Variants in CCNI2 observed in about 807,000 individuals in gnomAD.
CCNI2 encodes cyclin I family member 2, also known as cyclin-I2.
In CCNI2, 32 loss-of-function variants were observed where a neutral mutation model predicts 33.2. The ratio of observed to expected loss-of-function variants is 0.96; its 90% CI spans 0.73 to 1.30. CCNI2 has a LOEUF of 1.30. Ranked by LOEUF, CCNI2 falls within the 50% of genes most tolerant of loss-of-function variation. The pLI is 0.00. For synonymous variants in CCNI2, 231 were observed against 219.9 expected (o/e 1.05, Z -0.45); for missense variants, 452 against 486.2 (o/e 0.93, Z 0.66).
In CCNI2 at chr5:132,747,587, A is replaced by G. The variant is rs771022573; in HGVS notation, c.92A>G (p.Glu31Gly). 3.0e-5 allele frequency: 45 copies of G among 1,497,284 alleles called. No individual in the cohort carries two copies. In the South Asian group the frequency reaches 4.9e-4, roughly 16 times the overall value. The allele number at this position is 1,497,284 out of a possible 1,614,324, so 92.7% of individuals were successfully genotyped here. A position where few individuals can be genotyped will look rare whatever the true frequency, so the allele number is the denominator to read the frequency against. Reference sequence around the variant, plus strand: ...GGCGGGCGTCCCGGCGCCGGTCTGGAGGAAACAGCCCTGGGCGTTCCTCTC... The same window carrying G: ...GGCGGGCGTCCCGGCGCCGGTCTGGGGGAAACAGCCCTGGGCGTTCCTCTC... ...SPGGRPGAGL[E>G]ETALGVPLPP... Residue 31 changes from glutamate (E) to glycine (G), a missense_variant, in exon 1 of 6, where the codon GAG becomes GGG. Transcript: ENST00000378731. This position sits in a 1 kb window ranked among gnomAD's most constrained non-coding sequence, Gnocchi z 4.1.
downstream of CCNI2, among the ~76,000 whole-genome samples, chr5:132,754,948 G>C (rs1188486019): frequency 2.0e-5 from 3 of 152,312 alleles, no homozygotes; most frequent in Middle Eastern, 3.4e-3. Flanking sequence ...GAACAGGGCA[G>C]GGGGAGCATC....
rs1581129767 is a variant in CCNI2 at position 132,754,014 on chromosome 5, T to C, written c.*1044T>C. Reference sequence around the variant, plus strand: ...TGTGTAAATGTGCTAAGCCATGGGGTGGGAGGGGAAAGATTTACTAGGTGC... The same window carrying C: ...TGTGTAAATGTGCTAAGCCATGGGGCGGGAGGGGAAAGATTTACTAGGTGC... On this transcript the variant is annotated 3_prime_UTR_variant, in exon 6 of 6. Transcript: ENST00000378731. 8.6e-6 allele frequency: 1 copy of C among 116,930 alleles called. No homozygotes were observed. The highest frequency in any genetic ancestry group is 1.6e-5 in the Non-Finnish European group (1 of 61,406). 7.2% of individuals were successfully genotyped at this position (116,930 alleles called of 1,614,324 possible).
intron 3 of CCNI2, among the ~76,000 whole-genome samples, chr5:132,750,306 C>G (rs571059570): frequency 1.3e-5 from 2 of 152,240 alleles, no homozygotes; most frequent in South Asian, 2.1e-4. Context: ...CATAGACAAG[C>G]CTCATTAGTC....
Position 132,753,102 on chromosome 5 carries a change from G to A in CCNI2, c.*132G>A. Reference sequence around the variant, plus strand: ...GCTCTGGAAGAGCAACTGAGAAAAAGTTCCCAACTGAGCCCTTGGAAAAAA... The same window carrying A: ...GCTCTGGAAGAGCAACTGAGAAAAAATTCCCAACTGAGCCCTTGGAAAAAA... On this transcript the variant is annotated 3_prime_UTR_variant, in exon 6 of 6. Transcript: ENST00000378731. The A allele has an allele frequency of 2.8e-6, 2 of 713,220 alleles. No individual in the cohort carries two copies. The highest frequency in any genetic ancestry group is 5.3e-5 in the Admixed American group (2 of 38,008). The allele number at this position is 713,220 out of a possible 1,614,324, so 44.2% of individuals were successfully genotyped here.
chr5:132,752,835 G>T, intron 5 of CCNI2, 31 bp from the exon 6 acceptor site: 1 of 1,568,958 alleles, frequency 6.4e-7, no homozygotes, highest in Admixed American at 1.7e-5. Flanking sequence ...TGATGGTTCT[G>T]CTTGAAGATG....
At chr5:132,754,683 A>G (rs1265292339), downstream of CCNI2, among the ~76,000 whole-genome samples, 3 of 152,210 alleles carry the variant, frequency 2.0e-5, no homozygotes, top group Non-Finnish European at 4.4e-5. Context: ...GTGCTTTTCA[A>G]GCTTGCCGTG....
At position 132,749,285 on chromosome 5, in the gene CCNI2, G is replaced by A. The variant is rs969541947; in HGVS notation, c.559-63G>A. ...AAGTGTATAAAAGAAAACAAACACA[G>A]ATGCTTTTCAGTTTGTTTCTGGCAT... is the stretch of plus-strand genomic sequence containing the variant. On this transcript the variant is annotated intron_variant, in intron 2 of 5. Transcript: ENST00000378731. The A allele has an allele frequency of 7.6e-6, 10 of 1,320,922 alleles. No individual in the cohort carries two copies. The African/African-American group carries it at 1.3e-4, about 17-fold the overall frequency. 81.8% of individuals were successfully genotyped at this position (1,320,922 alleles called of 1,614,324 possible).
chr5:132,748,582 T>C, intron 2 of CCNI2, 107 bp downstream of exon 2: 1 of 1,384,046 alleles, frequency 7.2e-7, no homozygotes, highest in Non-Finnish European at 9.9e-7. Flanking sequence ...AAAACCAAGG[T>C]GTATAAACTA....
rs774731516 is a variant in CCNI2, at chr5:132,749,336, T to G, written c.559-12T>G. The stretch of plus-strand genomic sequence containing the variant: ...TCATATTCTGCTCAAATGTGTTTGT[T>G]CCATACTGCAGGTAAAAGAGAAATA... On this transcript the variant is annotated splice_polypyrimidine_tract_variant and intron_variant, in intron 2 of 5. Coordinates refer to ENST00000378731, the MANE Select transcript of CCNI2 (RefSeq NM_001039780.4). The G allele has an allele frequency of 3.7e-6, 6 of 1,608,384 alleles. No homozygotes were observed. The highest frequency in any genetic ancestry group is 5.1e-6 in the Non-Finnish European group (6 of 1,174,716).
At position 132,754,235 on chromosome 5, in the gene CCNI2, A is replaced by G; in HGVS notation, c.*1265A>G. 3.5e-6 allele frequency: 2 copies of G among 572,532 alleles called. No individual in the cohort carries two copies. The highest frequency in any genetic ancestry group is 1.9e-5 in the African/African-American group (1 of 53,280). 35.5% of individuals were successfully genotyped at this position (572,532 alleles called of 1,614,324 possible). ...GAGAGTCAGATACATTTGGAACACT[A>G]TCTCCTAGGTCATATCAAGAACTCT... On this transcript the variant is annotated 3_prime_UTR_variant, in exon 6 of 6. Coordinates refer to ENST00000378731, the MANE Select transcript of CCNI2 (RefSeq NM_001039780.4).
chr5:132,748,207 C>A, intron 1 of CCNI2, 140 bp from the exon 2 acceptor site: 3 of 1,229,438 alleles, frequency 2.4e-6, no homozygotes, highest in Non-Finnish European at 2.2e-6. Context: ...CCGGGGGGCG[C>A]TTACTCCCAG....
At chr5:132,752,613 G>C (rs759098017) in intron 5 of CCNI2, among the ~76,000 whole-genome samples, 4 of 152,168 alleles carry the variant, frequency 2.6e-5, no homozygotes, top group Non-Finnish European at 4.4e-5. Context: ...CAAGCATTGT[G>C]GGGGCACAAG....
intron 5 of CCNI2, 109 bp from the exon 6 acceptor site, chr5:132,752,757 G>A (rs1754963087): frequency 8.6e-6 from 7 of 818,480 alleles, no homozygotes; most frequent in Non-Finnish European, 1.4e-5. Context: ...TTAGTTGGGT[G>A]GTTGGACCTT....
Position 132,751,995 on chromosome 5 carries a change from C to G in CCNI2, c.804C>G (p.Pro268=). Residue 268 remains proline, a synonymous_variant, in exon 5 of 6, where the codon CCC becomes CCG. Coordinates refer to ENST00000378731, the MANE Select transcript of CCNI2 (RefSeq NM_001039780.4). ...ATGCCCTGGTGGTCCTGAGCTGGCC[C>G]CATGTGTTGGAGCTGCTGCCTCAGA... The part of the protein sequence containing the change: ...IFHALVVLSW[P]HVLELLPQRN... 1 of 1,612,066 alleles carries G rather than the reference C, an allele frequency of 6.2e-7. No individual in the cohort carries two copies. Among genetic ancestry groups the G allele is most frequent in the African/African-American group, 1.3e-5 (1 of 75,018 alleles).
chr5:132,752,936 C>T lies in CCNI2; in HGVS notation c.1076C>T (p.Ser359Phe), dbSNP rs1754988573. ...MQQLRSLQSS[S>F]CTDNFVSPAN ...CAACTGAGAAGTCTTCAGTCATCCT[C>T]CTGCACAGACAACTTTGTGTCACCT... Residue 359 changes from serine to phenylalanine, a missense_variant, in exon 6 of 6, where the codon TCC becomes TTC. Physicochemically the swap from Ser to Phe is radical, Grantham distance 155. Coordinates refer to ENST00000378731, the MANE Select transcript of CCNI2 (RefSeq NM_001039780.4). The T allele has an allele frequency of 4.3e-6, 7 of 1,614,154 alleles. No homozygotes were observed. Among genetic ancestry groups the T allele is most frequent in the Non-Finnish European group, 5.9e-6 (7 of 1,180,022 alleles).
intron 5 of CCNI2, among the ~76,000 whole-genome samples, chr5:132,752,659 T>G (rs1754953021): frequency 6.6e-6 from 1 of 152,112 alleles, no homozygotes; most frequent in Non-Finnish European, 1.5e-5. Context: ...TCAGAACAGA[T>G]AGGTTAGGAT....
rs961965737 is a variant in CCNI2, at chr5:132,751,087, G to A, written c.774+90G>A. Reference sequence around the variant, plus strand: ...CAACATGGGATGGCAAAGCACAGGCGTGCACACGCCCTTGCACATGCACCA... The same window carrying A: ...CAACATGGGATGGCAAAGCACAGGCATGCACACGCCCTTGCACATGCACCA... On this transcript the variant is annotated intron_variant, in intron 4 of 5. Coordinates refer to ENST00000378731, the MANE Select transcript of CCNI2 (RefSeq NM_001039780.4). The A allele has an allele frequency of 4.7e-5, 69 of 1,473,514 alleles. 1 individual carries two copies. Among genetic ancestry groups the A allele is most frequent in the African/African-American group, 2.6e-4 (19 of 71,954 alleles). 91.3% of individuals were successfully genotyped at this position (1,473,514 alleles called of 1,614,324 possible).
At chr5:132,749,469 G>A (rs1754718684) in intron 3 of CCNI2, 47 bp downstream of exon 3, 4 of 1,487,216 alleles carry the variant, frequency 2.7e-6, no homozygotes, top group Non-Finnish European at 3.8e-6. Flanking sequence ...GAGGTATAGG[G>A]GTGTAACATT....
chr5:132,748,617 T>C (rs1754680123), intron 2 of CCNI2, 142 bp downstream of exon 2: 1 of 975,400 alleles, frequency 1.0e-6, no homozygotes. Flanking sequence ...GAAGAGCTGG[T>C]GTTGGAACCT....
Sources: allele counts gnomAD v4.1 joint callset (sites outside exome capture counted in the v4.1 genomes callset), GRCh38; gene constraint gnomAD v4.1.1; non-coding constraint Gnocchi (gnomAD v3.1); transcripts MANE v1.5; gene names NCBI Gene and HGNC (gene_info 2026-07-23, HGNC 2026-07-21).